The following UTS2 variants were observed in gnomAD, a reference collection of about 807,000 sequenced individuals.
UTS2 encodes the protein urotensin-2.
In UTS2, 10 loss-of-function variants were observed where a neutral mutation model predicts 12.6. That is an observed-to-expected ratio of 0.80 (90% CI 0.49 to 1.35). UTS2 has a LOEUF of 1.35. UTS2 is among the 40% of genes most tolerant of loss of function. The pLI, the probability that UTS2 is intolerant of heterozygous loss-of-function variation, is 0.00. For missense variants in UTS2, 142 were observed against 143.2 expected (o/e 0.99, Z 0.04); for synonymous variants, 52 against 50.0 (o/e 1.04, Z -0.17).
rs1467780936 is a variant in UTS2 at position 7,852,903 on chromosome 1, G to C, written c.101C>G (p.Ser34Ter). 5.0e-6 allele frequency: 8 copies of C among 1,603,196 alleles called. No individual in the cohort carries two copies. Among genetic ancestry groups the C allele is most frequent in the East Asian group, 2.2e-5 (1 of 44,732 alleles). The change falls in exon 1 of 4, where the codon TCA becomes TGA. Residue 34 changes from serine (S) to a stop codon, truncating the protein, a stop_gained and splice_region_variant. Transcript: ENST00000361696. LOFTEE classifies it high-confidence loss of function. ...LDSREISFQL[S>*]APHEDARLTP... ...TAAGGGGAAAAAAAAAATCTTACCT[G>C]AGAGTTGAAAGGATATTTCCCTGGA...
the UTS2 span, among the ~76,000 whole-genome samples, chr1:7,876,094 T>C: frequency 6.6e-6 from 1 of 152,140 alleles, no homozygotes; most frequent in East Asian, 1.9e-4. Context: ...ATGCACATTG[T>C]CCAGAGGTCA....
At chr1:7,861,698 G>A in the UTS2 span, among the ~76,000 whole-genome samples, 4 of 152,148 alleles carry the variant, frequency 2.6e-5, no homozygotes, top group East Asian at 1.9e-4. Flanking sequence ...CCACTGCCCC[G>A]TCCCTCAGGA....
chr1:7,868,434 G>A, the UTS2 span, among the ~76,000 whole-genome samples: 1 of 152,258 alleles, frequency 6.6e-6, no homozygotes, highest in East Asian at 1.9e-4. Flanking sequence ...ATCTATTGAG[G>A]CAGCCTGCAA....
the UTS2 span, among the ~76,000 whole-genome samples, chr1:7,909,129 A>T: frequency 6.6e-6 from 1 of 152,176 alleles, no homozygotes; most frequent in East Asian, 1.9e-4. Flanking sequence ...ACCTGCCTCC[A>T]TAATTCAATT....
chr1:7,910,967 A>G, the UTS2 span, among the ~76,000 whole-genome samples: 1 of 151,970 alleles, frequency 6.6e-6, no homozygotes, highest in Admixed American at 6.6e-5. Flanking sequence ...TGCCCAGGCT[A>G]GTCGTGAATG....
chr1:7,863,378 T>C, the UTS2 span, among the ~76,000 whole-genome samples: 1 of 152,208 alleles, frequency 6.6e-6, no homozygotes, highest in Non-Finnish European at 1.5e-5. Context: ...CCCAAAGTGC[T>C]GGGATTACAG....
the UTS2 span, among the ~76,000 whole-genome samples, chr1:7,869,430 C>T: frequency 6.6e-6 from 1 of 152,200 alleles, no homozygotes; most frequent in Non-Finnish European, 1.5e-5. Flanking sequence ...TAGGGGTGAG[C>T]ACGTGGGGAA....
the UTS2 span, among the ~76,000 whole-genome samples, chr1:7,902,955 C>A: frequency 6.6e-6 from 1 of 151,872 alleles, no homozygotes; most frequent in South Asian, 2.1e-4. Flanking sequence ...TGTGGTAGAG[C>A]GTTTTTTGTT....
At chr1:7,881,676 G>T in the UTS2 span, among the ~76,000 whole-genome samples, 7 of 152,202 alleles carry the variant, frequency 4.6e-5, no homozygotes, top group South Asian at 2.1e-4. Flanking sequence ...TGGATCAGAA[G>T]AATTAATATT....
At chr1:7,862,990 GTTGTATTGTATTGTATTGTATTGTA>G in the UTS2 span, among the ~76,000 whole-genome samples, 5 of 41,368 alleles carry the variant, frequency 1.2e-4, no homozygotes, top group African/African-American at 4.3e-4. Flanking sequence ...ATTGTGTTGT[GTTGTATTGTATTGTATTGTATTGTA>G]TTGTATTGTA....
At chr1:7,863,620 G>A in the UTS2 span, among the ~76,000 whole-genome samples, 5 of 152,140 alleles carry the variant, frequency 3.3e-5, no homozygotes, top group Admixed American at 1.3e-4. Context: ...GCACCCAAAT[G>A]GCATTTACTG....
chr1:7,900,655 C>A, the UTS2 span, among the ~76,000 whole-genome samples: 1 of 152,034 alleles, frequency 6.6e-6, no homozygotes, highest in African/African-American at 2.4e-5. Context: ...GTGGCTGGCG[C>A]CTGTAATCCC....
At chr1:7,908,273 G>A in the UTS2 span, among the ~76,000 whole-genome samples, 3 of 149,678 alleles carry the variant, frequency 2.0e-5, no homozygotes, top group Non-Finnish European at 3.0e-5. Flanking sequence ...ACTCAGCCTG[G>A]GTGACAGAGT....
the UTS2 span, among the ~76,000 whole-genome samples, chr1:7,859,723 G>A: frequency 6.6e-6 from 1 of 152,198 alleles, no homozygotes; most frequent in Non-Finnish European, 1.5e-5. Context: ...TGAGGAGCCT[G>A]GGCATGGCTC....
chr1:7,873,649 T>C, the UTS2 span, among the ~76,000 whole-genome samples: 1 of 152,214 alleles, frequency 6.6e-6, no homozygotes, highest in Admixed American at 6.5e-5. Context: ...GACGAGGAGT[T>C]GCTTCCTATG....
the UTS2 span, among the ~76,000 whole-genome samples, chr1:7,892,078 C>T: frequency 6.6e-6 from 1 of 152,340 alleles, no homozygotes. Context: ...GGACCCCTAC[C>T]TTGCCCTGCA....
chr1:7,885,335 A>T, the UTS2 span, among the ~76,000 whole-genome samples: 1 of 152,202 alleles, frequency 6.6e-6, no homozygotes, highest in Non-Finnish European at 1.5e-5. Context: ...GTACTTTGCT[A>T]ACCAACATCT....
chr1:7,883,583 G>T, the UTS2 span, among the ~76,000 whole-genome samples: 1 of 151,984 alleles, frequency 6.6e-6, no homozygotes, highest in Non-Finnish European at 1.5e-5. Flanking sequence ...TCAAAATGAT[G>T]GATATCCTAA....
At chr1:7,906,827 GC>G in the UTS2 span, among the ~76,000 whole-genome samples, 1 of 152,164 alleles carries the variant, frequency 6.6e-6, no homozygotes, top group African/African-American at 2.4e-5. Context: ...AGTTAACTTA[GC>G]CAAAGAGTCT....
Sources: allele counts gnomAD v4.1 joint callset (sites outside exome capture counted in the v4.1 genomes callset), GRCh38; gene constraint gnomAD v4.1.1; transcripts MANE v1.5; gene names NCBI Gene and HGNC (gene_info 2026-07-23, HGNC 2026-07-21).